KANSL1L: variants seen among roughly 807,000 people sequenced by gnomAD.
KANSL1L encodes KAT8 regulatory NSL complex subunit 1-like protein.
In KANSL1L, 25 loss-of-function variants were observed where a neutral mutation model predicts 108.6. The observed-to-expected ratio is 0.23, with a 90% CI of 0.17 to 0.32. KANSL1L has a LOEUF of 0.32. Among genes scored for constraint, KANSL1L ranks in the 10% least tolerant of loss-of-function variants. The probability of loss-of-function intolerance (pLI) is 1.00; values close to 1 mark genes in which losing one functional copy is unlikely to be tolerated. For missense variants in KANSL1L, 1,137 were observed against 1,125.7 expected (o/e 1.01, Z -0.14); for synonymous variants, 405 against 395.1 (o/e 1.03, Z -0.30).
At chr2:210,098,343 GAC>G in intron 4 of KANSL1L, 136 bp from the exon 5 acceptor site, 2 of 753,634 alleles carry the variant, frequency 2.7e-6, no homozygotes, top group Non-Finnish European at 4.2e-6. Context: ...ATTTGACAAA[GAC>G]AATTTATACA....
chr2:210,156,278 A>G (rs1484806128), intron 1 of KANSL1L, among the ~76,000 whole-genome samples: 2 of 152,108 alleles, frequency 1.3e-5, no homozygotes, highest in Non-Finnish European at 2.9e-5. Flanking sequence ...CATCACATAC[A>G]TATCATGAGA....
At chr2:210,033,845 G>A (rs1212885412) in intron 8 of KANSL1L, among the ~76,000 whole-genome samples, 1 of 152,056 alleles carries the variant, frequency 6.6e-6, no homozygotes, top group African/African-American at 2.4e-5. Context: ...GCCAAAAGTT[G>A]ATTTTTAAAT....
intron 3 of KANSL1L, among the ~76,000 whole-genome samples, chr2:210,111,127 A>C (rs2094900227): frequency 6.6e-6 from 1 of 152,010 alleles, no homozygotes; most frequent in Non-Finnish European, 1.5e-5. Flanking sequence ...TATAAAAGAA[A>C]TTAAAACAAA....
intron 6 of KANSL1L, among the ~76,000 whole-genome samples, chr2:210,059,249 T>A (rs2094394023): frequency 6.6e-6 from 1 of 152,058 alleles, no homozygotes; most frequent in Non-Finnish European, 1.5e-5. Context: ...CCATTCTAGC[T>A]AATGCAGCAT....
At chr2:210,117,260 C>T (rs1575563497) in intron 3 of KANSL1L, among the ~76,000 whole-genome samples, 5 of 151,978 alleles carry the variant, frequency 3.3e-5, no homozygotes, top group Admixed American at 3.3e-4. Context: ...AAAAAATAGC[C>T]TCAAAAGGGC....
chr2:210,089,893 C>T lies in KANSL1L; in HGVS notation c.1550+8193G>A, dbSNP rs79835877. 8.2e-4 allele frequency among the ~76,000 whole-genome samples: 125 copies of T among 152,226 alleles called. 2 individuals are homozygous for T. In the East Asian group the frequency reaches 0.023, roughly 28 times the overall value. ...AAGAGATGACGGAAAAATAGTGCCT[C>T]ATTGACTTCTAGTAACTGTATAATG... On this transcript the variant is annotated intron_variant, in intron 5 of 14. Coordinates refer to ENST00000281772, the MANE Select transcript of KANSL1L (RefSeq NM_152519.4).
At chr2:210,098,414 A>G (rs535022901) in intron 4 of KANSL1L, among the ~76,000 whole-genome samples, 44 of 152,102 alleles carry the variant, frequency 2.9e-4, no homozygotes, top group Non-Finnish European at 4.7e-4. Context: ...TCTTTTCCAT[A>G]TCCTTTTTTT....
chr2:210,032,237 A>C (rs1047418328), intron 8 of KANSL1L: 2 of 152,274 alleles, frequency 1.3e-5, no homozygotes, highest in African/African-American at 4.8e-5. Flanking sequence ...AATAAAGGGC[A>C]TGGCCTACCA....
intron 3 of KANSL1L, among the ~76,000 whole-genome samples, chr2:210,113,562 C>T (rs2094928502): frequency 6.6e-6 from 1 of 150,426 alleles, no homozygotes; most frequent in African/African-American, 2.4e-5. Flanking sequence ...ATGGAGCATT[C>T]AAAGGAAAAA....
chr2:210,103,578 ATAAT>A (rs2094817235), intron 4 of KANSL1L, among the ~76,000 whole-genome samples: 1 of 152,230 alleles, frequency 6.6e-6, no homozygotes, highest in African/African-American at 2.4e-5. Flanking sequence ...ACTGGCCAGA[ATAAT>A]TAAGCTTGTG....
chr2:210,050,505 G>A (rs2094278894), intron 6 of KANSL1L, among the ~76,000 whole-genome samples: 1 of 152,044 alleles, frequency 6.6e-6, no homozygotes, highest in African/African-American at 2.4e-5. Context: ...GATTGCTGAA[G>A]CAGCTATATA....
At chr2:210,057,356 C>G (rs1264706653) in intron 6 of KANSL1L, among the ~76,000 whole-genome samples, 1 of 152,044 alleles carries the variant, frequency 6.6e-6, no homozygotes, top group East Asian at 1.9e-4. Context: ...GAGCCAAGAT[C>G]GTTGACACTG....
intron 1 of KANSL1L, among the ~76,000 whole-genome samples, chr2:210,161,972 C>G (rs971363165): frequency 4.7e-5 from 7 of 150,422 alleles, no homozygotes; most frequent in African/African-American, 1.5e-4. Flanking sequence ...TGCCTGTGAT[C>G]CTAGTATTTT....
At chr2:210,161,519 G>A (rs1265991855) in intron 1 of KANSL1L, among the ~76,000 whole-genome samples, 3 of 152,116 alleles carry the variant, frequency 2.0e-5, no homozygotes, top group African/African-American at 7.2e-5. Context: ...TTTAGGCAAA[G>A]CTTTTTTTAG....
chr2:210,029,051 T>C, intron 10 of KANSL1L, 82 bp from the exon 11 acceptor site: 1 of 1,175,316 alleles, frequency 8.5e-7, no homozygotes, highest in Non-Finnish European at 1.2e-6. Context: ...TATGTAAATA[T>C]GGCAGTACAC....
Position 210,022,473 on chromosome 2 carries a change from A to G in KANSL1L, c.*476T>C, listed in dbSNP as rs542116319. On this transcript the variant is annotated 3_prime_UTR_variant, in exon 15 of 15. Coordinates refer to ENST00000281772, the MANE Select transcript of KANSL1L (RefSeq NM_152519.4). ...TCATTGCCAGTGTTTTAAAAACTAC[A>G]TAGGGGTGTGTGTGTGTGTGTATGT... 1 of 157,904 alleles carries G rather than the reference A, an allele frequency of 6.3e-6. No individual in the cohort carries two copies. Among genetic ancestry groups the G allele is most frequent in the East Asian group, 1.9e-4 (1 of 5,394 alleles). 9.8% of individuals were successfully genotyped at this position (157,904 alleles called of 1,614,324 possible). A position where few individuals can be genotyped will look rare whatever the true frequency, so the allele number is the denominator to read the frequency against.
chr2:210,171,854 A>G (rs1307706270), upstream of KANSL1L: 1 of 151,974 alleles, frequency 6.6e-6, no homozygotes, highest in Non-Finnish European at 1.5e-5. Context: ...ATTTCTCACA[A>G]TTGTCAAGTC....
At position 210,147,162 on chromosome 2, in the gene KANSL1L, A is replaced by G. The variant is rs1018660999; in HGVS notation, c.1088+6333T>C. 7.9e-5 allele frequency among the ~76,000 whole-genome samples: 12 copies of G among 152,256 alleles called. No homozygotes were observed. In the East Asian group the frequency reaches 2.3e-3, roughly 29 times the overall value. ...TCCCTCAAAGATGTCCACATGCCAC[A>G]GTAGACAATATTTCTTGCTTGGGCA... On this transcript the variant is annotated intron_variant, in intron 2 of 14. Coordinates refer to ENST00000281772, the MANE Select transcript of KANSL1L (RefSeq NM_152519.4).
In KANSL1L at chr2:210,084,909, CT is replaced by C. The variant is rs905906831; in HGVS notation, c.1551-9154del. 2.1e-4 allele frequency among the ~76,000 whole-genome samples: 32 copies of C among 151,280 alleles called. 1 individual carries two copies. The highest frequency in any genetic ancestry group is 7.0e-4 in the African/African-American group (29 of 41,210). ...ACAGGCATAAGCCACCATGCCCAGC[CT>C]TTTTTTTTCTCTTTTATTAGGATGT... On this transcript the variant is annotated intron_variant, in intron 5 of 14. Coordinates refer to ENST00000281772, the MANE Select transcript of KANSL1L (RefSeq NM_152519.4).
Sources: gnomAD v4.1 joint callset for allele counts (sites outside exome capture counted in the v4.1 genomes callset) on GRCh38, gnomAD v4.1.1 for gene constraint, MANE v1.5 for transcripts, NCBI Gene and HGNC (gene_info 2026-07-23, HGNC 2026-07-21) for gene names.